EYS: variants seen among roughly 807,000 people sequenced by gnomAD.
EYS encodes the protein protein eyes shut homolog.
EYS carries 250 observed loss-of-function variants against 282.1 expected under a neutral mutation model. The ratio of observed to expected loss-of-function variants is 0.89; its 90% CI spans 0.80 to 0.98. The LOEUF (loss-of-function observed/expected upper bound fraction) is 0.98. Among genes scored for constraint, EYS ranks in the 50% least tolerant of loss-of-function variants. The pLI is 0.00. For synonymous variants in EYS, 1,355 were observed against 1,282.9 expected (o/e 1.06, Z -1.20); for missense variants, 4,016 against 3,709.0 (o/e 1.08, Z -2.15).
chr6:64,985,817 T>C (rs1483155164), intron 14 of EYS, among the ~76,000 whole-genome samples: 4 of 151,412 alleles, frequency 2.6e-5, no homozygotes, highest in African/African-American at 9.7e-5. Context: ...AGAGTAAGTA[T>C]GTTTAAAAGA....
chr6:63,868,733 A>G (rs1002481346), intron 35 of EYS, among the ~76,000 whole-genome samples: 1 of 152,178 alleles, frequency 6.6e-6, no homozygotes, highest in African/African-American at 2.4e-5. Flanking sequence ...CATCTTTTTC[A>G]TGAATTTCAC....
chr6:65,340,164 A>C (rs529295900), intron 10 of EYS, among the ~76,000 whole-genome samples: 4 of 151,268 alleles, frequency 2.6e-5, no homozygotes, highest in South Asian at 4.2e-4. Flanking sequence ...TCACATCCCA[A>C]ATTTTAGTGC....
intron 30 of EYS, among the ~76,000 whole-genome samples, chr6:64,298,708 T>C (rs1293691411): frequency 2.0e-5 from 3 of 152,118 alleles, no homozygotes; most frequent in Non-Finnish European, 4.4e-5. Context: ...ATGATTGTAC[T>C]CTTGAATCAA....
At chr6:65,087,686 G>A (rs1774423568) in intron 12 of EYS, among the ~76,000 whole-genome samples, 1 of 152,188 alleles carries the variant, frequency 6.6e-6, no homozygotes, top group Admixed American at 6.5e-5. Flanking sequence ...TGTCTATTAA[G>A]TGAGTACTAG....
chr6:65,198,387 A>G (rs577697016), intron 12 of EYS, among the ~76,000 whole-genome samples: 3 of 152,304 alleles, frequency 2.0e-5, no homozygotes, highest in East Asian at 1.9e-4. Context: ...TAAAATGTAT[A>G]GTATACTAAA....
chr6:65,301,701 A>G (rs1015072244), intron 11 of EYS, among the ~76,000 whole-genome samples: 10 of 152,262 alleles, frequency 6.6e-5, no homozygotes, highest in Non-Finnish European at 1.3e-4. Flanking sequence ...CCTGGCCCTC[A>G]GCGTGGGAGT....
intron 15 of EYS, among the ~76,000 whole-genome samples, chr6:64,932,913 A>T (rs1768772886): frequency 6.6e-6 from 1 of 152,026 alleles, no homozygotes; most frequent in South Asian, 2.1e-4. Flanking sequence ...AAAAACAAAA[A>T]CACTAGCTAC....
intron 29 of EYS, among the ~76,000 whole-genome samples, chr6:64,336,043 C>T (rs912355097): frequency 6.6e-6 from 1 of 151,960 alleles, no homozygotes; most frequent in African/African-American, 2.4e-5. Flanking sequence ...ATAAATCACA[C>T]ATGACGTATA....
intron 40 of EYS, among the ~76,000 whole-genome samples, chr6:63,762,861 G>T (rs563042266): frequency 9.2e-5 from 14 of 152,190 alleles, no homozygotes; most frequent in Non-Finnish European, 1.8e-4. Context: ...AATTGAAAGA[G>T]AATTTTTTGA....
intron 13 of EYS, among the ~76,000 whole-genome samples, chr6:65,013,752 C>G (rs1771954983): frequency 6.6e-6 from 1 of 152,116 alleles, no homozygotes; most frequent in Admixed American, 6.5e-5. Flanking sequence ...GTCCCAGCTA[C>G]TACTTGGGAG....
chr6:65,526,750 G>A (rs1052482286), intron 2 of EYS, among the ~76,000 whole-genome samples: 1 of 152,052 alleles, frequency 6.6e-6, no homozygotes, highest in African/African-American at 2.4e-5. Flanking sequence ...AGCTTGCAGT[G>A]AGCCCAGATC....
chr6:64,244,790 A>G (rs1218935931), intron 30 of EYS, among the ~76,000 whole-genome samples: 1 of 152,054 alleles, frequency 6.6e-6, no homozygotes, highest in African/African-American at 2.4e-5. Context: ...ATATACTTTT[A>G]CTTTTTGAAG....
At chr6:65,531,337 A>G (rs1400763143) in intron 2 of EYS, among the ~76,000 whole-genome samples, 2 of 152,214 alleles carry the variant, frequency 1.3e-5, no homozygotes, top group African/African-American at 4.8e-5. Flanking sequence ...AGTTATAAAG[A>G]AAACGCTTCA....
At chr6:65,195,407 G>T (rs79876865) in intron 12 of EYS, among the ~76,000 whole-genome samples, 2,547 of 152,074 alleles carry the variant, frequency 0.017, 25 homozygotes, top group Non-Finnish European at 0.026. Flanking sequence ...GTAGTTGCTT[G>T]TGAATCTCTC....
chr6:64,887,195 C>T (rs1767120526), intron 18 of EYS, among the ~76,000 whole-genome samples: 1 of 149,468 alleles, frequency 6.7e-6, no homozygotes, highest in Non-Finnish European at 1.5e-5. Context: ...AAACCAAACA[C>T]CGCATGTTCT....
intron 22 of EYS, among the ~76,000 whole-genome samples, chr6:64,716,464 G>T (rs1005861006): frequency 6.6e-6 from 1 of 152,178 alleles, no homozygotes; most frequent in Non-Finnish European, 1.5e-5. Flanking sequence ...AACCTGGATT[G>T]CATACCATGG....
chr6:64,704,903 G>A (rs114573199), intron 22 of EYS, among the ~76,000 whole-genome samples: 1,834 of 152,050 alleles, frequency 0.012, 19 homozygotes, highest in Non-Finnish European at 0.021. Context: ...TAGCATTCCC[G>A]TTGAAAACTG....
intron 11 of EYS, chr6:65,332,433 G>T: frequency 7.2e-7 from 1 of 1,380,154 alleles, no homozygotes; most frequent in Non-Finnish European, 1.0e-6. Flanking sequence ...AATTAATTTG[G>T]GAAGAATTAA....
intron 2 of EYS, among the ~76,000 whole-genome samples, chr6:65,626,286 T>A (rs1366503406): frequency 6.6e-6 from 1 of 152,232 alleles, no homozygotes; most frequent in African/African-American, 2.4e-5. Context: ...CATTTCTGGC[T>A]CAGACCTTGC....
Sources: gnomAD v4.1 joint callset for allele counts (sites outside exome capture counted in the v4.1 genomes callset) on GRCh38, gnomAD v4.1.1 for gene constraint, MANE v1.5 for transcripts, NCBI Gene and HGNC (gene_info 2026-07-23, HGNC 2026-07-21) for gene names.